The following CCSER1 variants were observed in gnomAD, a reference collection of about 807,000 sequenced individuals.
CCSER1 encodes the protein coiled-coil serine rich protein 1, also known as serine-rich coiled-coil domain-containing protein 1.
CCSER1 carries 41 observed loss-of-function variants against 82.0 expected under a neutral mutation model. That is an observed-to-expected ratio of 0.50 (90% CI 0.39 to 0.65). The LOEUF is 0.65. CCSER1 is among the 30% of genes least tolerant of loss of function. The probability of loss-of-function intolerance (pLI) is 0.00; values close to 1 mark genes in which losing one functional copy is unlikely to be tolerated. For missense variants in CCSER1, 1,119 were observed against 1,064.2 expected (o/e 1.05, Z -0.72); for synonymous variants, 414 against 383.9 (o/e 1.08, Z -0.92).
chr4:90,408,814 T>G (rs1406171988), intron 4 of CCSER1, among the ~76,000 whole-genome samples: 4 of 152,132 alleles, frequency 2.6e-5, no homozygotes, highest in Non-Finnish European at 5.9e-5. Context: ...GAAGAAGGCT[T>G]CAGAAGATCA....
At chr4:91,426,537 C>T (rs1753992962) in intron 10 of CCSER1, among the ~76,000 whole-genome samples, 1 of 151,548 alleles carries the variant, frequency 6.6e-6, no homozygotes, top group East Asian at 1.9e-4. Flanking sequence ...TGGATTGACT[C>T]ATGAAAGGTC....
chr4:91,238,344 G>T lies in CCSER1; in HGVS notation c.2217+152350G>T, dbSNP rs139581629. On this transcript the variant is annotated intron_variant, in intron 10 of 10. Transcript: ENST00000509176. ...GGGACAATAGATAGAGAAGAAATGG[G>T]GACCTCAGTCATGTCGCTGCAAAAA... Among the ~76,000 whole-genome samples the T allele has an allele frequency of 1.6e-4, 24 of 152,096 alleles. No individual in the cohort carries two copies. The East Asian group carries it at 4.6e-3, about 29-fold the overall frequency.
At position 90,190,591 on chromosome 4, in the gene CCSER1, A is replaced by G. The variant is rs535758235; in HGVS notation, c.-42+62760A>G. 6.6e-5 allele frequency among the ~76,000 whole-genome samples: 10 copies of G among 152,236 alleles called. No individual in the cohort carries two copies. The South Asian group carries it at 1.7e-3, about 25-fold the overall frequency. On this transcript the variant is annotated intron_variant, in intron 1 of 10. Transcript: ENST00000509176. ...TATTTGTATGTATGTGAGCTTGATA[A>G]CAAACATAAATTTACAAACTTTAAA...
At chr4:90,589,922 A>G (rs1782489167) in intron 5 of CCSER1, among the ~76,000 whole-genome samples, 2 of 152,240 alleles carry the variant, frequency 1.3e-5, no homozygotes, top group Non-Finnish European at 2.9e-5. Context: ...TGGAATATCT[A>G]CATTACAAAG....
chr4:90,929,302 T>G (rs1581116120), intron 9 of CCSER1, among the ~76,000 whole-genome samples: 2 of 152,300 alleles, frequency 1.3e-5, no homozygotes, highest in East Asian at 3.9e-4. Flanking sequence ...ATGCATTGTT[T>G]CATTCACAAA....
At chr4:91,254,965 T>A (rs548217999) in intron 10 of CCSER1, among the ~76,000 whole-genome samples, 3 of 152,146 alleles carry the variant, frequency 2.0e-5, no homozygotes, top group Admixed American at 6.5e-5. Flanking sequence ...TCTCTATGAT[T>A]TTTACTACTG....
intron 10 of CCSER1, among the ~76,000 whole-genome samples, chr4:91,584,165 T>TA (rs1301899495): frequency 6.6e-6 from 1 of 151,504 alleles, no homozygotes; most frequent in Non-Finnish European, 1.5e-5. Flanking sequence ...GAACCAGAGC[T>TA]ACCATGATCT....
chr4:90,463,362 C>T (rs1243764564), intron 4 of CCSER1, among the ~76,000 whole-genome samples: 3 of 152,094 alleles, frequency 2.0e-5, no homozygotes, highest in Non-Finnish European at 2.9e-5. Context: ...TGAGGACTAG[C>T]GAGAAATAGA....
At chr4:91,226,163 A>G (rs1738188633) in intron 10 of CCSER1, among the ~76,000 whole-genome samples, 3 of 151,940 alleles carry the variant, frequency 2.0e-5, no homozygotes, top group Non-Finnish European at 2.9e-5. Context: ...CCTAAAATTA[A>G]TGACTCAGAG....
chr4:90,948,024 A>G (rs1041767088), intron 9 of CCSER1, among the ~76,000 whole-genome samples: 2 of 152,078 alleles, frequency 1.3e-5, no homozygotes, highest in Non-Finnish European at 2.9e-5. Context: ...TTACATTTGT[A>G]CTTAATTAGA....
At chr4:90,741,888 T>G (rs958642699) in intron 7 of CCSER1, among the ~76,000 whole-genome samples, 1 of 152,200 alleles carries the variant, frequency 6.6e-6, no homozygotes, top group Non-Finnish European at 1.5e-5. Flanking sequence ...ATTTTGAAAT[T>G]GCCTACTGTA....
intron 10 of CCSER1, among the ~76,000 whole-genome samples, chr4:91,359,455 G>C (rs965151492): frequency 6.6e-6 from 1 of 151,868 alleles, no homozygotes; most frequent in East Asian, 1.9e-4. Context: ...GTGGAAAACA[G>C]TGACTGATAA....
chr4:90,661,224 CT>C (rs1730714666), intron 6 of CCSER1, among the ~76,000 whole-genome samples: 2 of 152,070 alleles, frequency 1.3e-5, no homozygotes, highest in South Asian at 2.1e-4. Context: ...TTTAACTGTG[CT>C]TTTAATTTAT....
chr4:91,274,561 A>G (rs536604928), intron 10 of CCSER1, among the ~76,000 whole-genome samples: 1 of 152,172 alleles, frequency 6.6e-6, no homozygotes, highest in East Asian at 1.9e-4. Flanking sequence ...TAGCTCCCAC[A>G]TGAGTGAGAA....
chr4:91,378,987 T>C (rs529819351), intron 10 of CCSER1, among the ~76,000 whole-genome samples: 1 of 152,328 alleles, frequency 6.6e-6, no homozygotes, highest in East Asian at 1.9e-4. Context: ...TCAAAGGCCT[T>C]TTCTGCATCT....
intron 6 of CCSER1, among the ~76,000 whole-genome samples, chr4:90,644,247 A>G (rs1727085501): frequency 6.6e-6 from 1 of 152,216 alleles, no homozygotes. Context: ...ACAAGTCTAA[A>G]CACAAAATTC....
chr4:91,545,694 T>C (rs904298055), intron 10 of CCSER1, among the ~76,000 whole-genome samples: 7 of 152,130 alleles, frequency 4.6e-5, no homozygotes, highest in African/African-American at 1.7e-4. Context: ...TTGTTTATTT[T>C]TTTAGATTTA....
chr4:90,485,361 C>T (rs545602361), intron 5 of CCSER1, among the ~76,000 whole-genome samples: 25 of 152,294 alleles, frequency 1.6e-4, no homozygotes, highest in East Asian at 1.4e-3. Flanking sequence ...GGTTCACGCA[C>T]GGTGCGCTGC....
chr4:91,021,420 A>G (rs1739952420), intron 9 of CCSER1, among the ~76,000 whole-genome samples: 1 of 152,220 alleles, frequency 6.6e-6, no homozygotes, highest in South Asian at 2.1e-4. Context: ...AACCATAAAT[A>G]TTTCAAACTG....
Sources: allele counts gnomAD v4.1 joint callset (sites outside exome capture counted in the v4.1 genomes callset), GRCh38; gene constraint gnomAD v4.1.1; transcripts MANE v1.5; gene names NCBI Gene and HGNC (gene_info 2026-07-23, HGNC 2026-07-21).